Variants in TIAM2 observed in about 807,000 individuals in gnomAD.
The protein encoded by TIAM2 is TIAM Rac1 associated GEF 2.
A neutral mutation model predicts 152.9 loss-of-function variants in TIAM2; 80 were observed. The ratio of observed to expected loss-of-function variants is 0.52; its 90% CI spans 0.44 to 0.63. The LOEUF (loss-of-function observed/expected upper bound fraction) is 0.63, where lower values mean the gene tolerates loss of function less well. Ranked by LOEUF, TIAM2 falls within the 30% of genes least tolerant of loss-of-function variation. The pLI is 0.00. For synonymous variants in TIAM2, 804 were observed against 838.0 expected, an observed-to-expected ratio of 0.96 and a Z score of 0.70; for missense variants, 1,965 against 2,120.1, an observed-to-expected ratio of 0.93 and a Z score of 1.44.
chr6:155,074,864 A>C (rs1270447855), intron 1 of TIAM2, among the ~76,000 whole-genome samples: 2 of 151,240 alleles, frequency 1.3e-5, no homozygotes, highest in African/African-American at 2.4e-5. Flanking sequence ...AAAAAAAAAA[A>C]AAAAAAAAAA....
In TIAM2 at chr6:155,257,433, C is replaced by T. The variant is rs779291855; in HGVS notation, c.*312C>T. On this transcript the variant is annotated 3_prime_UTR_variant, in exon 27 of 27. Coordinates refer to ENST00000682666, the MANE Select transcript of TIAM2 (RefSeq NM_012454.4). ...GTGGAAAAAGTAAGGCTGGGGAAGT[C>T]GTGATTAATAGTTTTCAAAGGGCCA... The T allele has an allele frequency of 3.4e-5, 12 of 350,662 alleles. No individual in the cohort carries two copies. Among genetic ancestry groups the T allele is most frequent in the Admixed American group, 4.6e-5 (1 of 21,642 alleles). The allele number at this position is 350,662 out of a possible 1,614,324, so 21.7% of individuals were successfully genotyped here.
chr6:155,104,048 C>CCCT (rs1778616706), intron 2 of TIAM2, among the ~76,000 whole-genome samples: 1 of 88,956 alleles, frequency 1.1e-5, no homozygotes, highest in Non-Finnish European at 2.4e-5. Context: ...ACACCCCCCC[C>CCCT]CCCACACCCC....
intron 16 of TIAM2, among the ~76,000 whole-genome samples, chr6:155,242,509 G>A (rs919818680): frequency 2.6e-5 from 4 of 152,174 alleles, no homozygotes; most frequent in South Asian, 4.1e-4. Context: ...GAAAGCATCC[G>A]TGTCACAGGC....
intron 4 of TIAM2, among the ~76,000 whole-genome samples, chr6:155,134,122 C>G (rs1564918): frequency 1.5e-4 from 23 of 151,936 alleles, no homozygotes; most frequent in Non-Finnish European, 2.4e-4. Context: ...AGTGAAGTCA[C>G]TTGTATGGAA....
In TIAM2 at chr6:155,129,363, G is replaced by A. The variant is rs769965584; in HGVS notation, c.140G>A (p.Gly47Asp). Reference sequence around the variant, plus strand: ...GAGGAAAAGTCATTGCATGGATGGGGTCACGGAAGCAACGGAGCAGGTTAC... The same window carrying A: ...GAGGAAAAGTCATTGCATGGATGGGATCACGGAAGCAACGGAGCAGGTTAC... ...AKEEKSLHGW[G>D]HGSNGAGYKS... Residue 47 changes from glycine (G) to aspartate (D), a missense_variant, in exon 4 of 27, where the codon GGT (glycine) becomes GAT (aspartate). By Grantham distance (94) the Gly-to-Asp change is moderately conservative. Around this residue, in one of 3 missense-constraint regions of TIAM2, gnomAD observed 1,025 missense variants for 1,119.4 expected, o/e 0.92. Transcript: ENST00000682666. This position sits in a 1 kb window ranked among gnomAD's most constrained non-coding sequence, Gnocchi z 4.8. 3 of 1,614,024 alleles carry A rather than the reference G, an allele frequency of 1.9e-6. No homozygotes were observed. The highest frequency in any genetic ancestry group is 2.5e-6 in the Non-Finnish European group (3 of 1,180,042).
chr6:155,178,043 C>T (rs1288439462), intron 10 of TIAM2, among the ~76,000 whole-genome samples: 2 of 151,932 alleles, frequency 1.3e-5, no homozygotes, highest in Non-Finnish European at 2.9e-5. Flanking sequence ...CGCCTGTAGT[C>T]CCAGCTACTC....
At chr6:155,148,429 C>G in intron 7 of TIAM2, 95 bp downstream of exon 7, 1 of 1,265,792 alleles carries the variant, frequency 7.9e-7, no homozygotes, top group Non-Finnish European at 1.1e-6. Flanking sequence ...TTTCTTGGCT[C>G]ACATCTTGGT....
intron 19 of TIAM2, among the ~76,000 whole-genome samples, chr6:155,247,302 GT>G (rs887053438): frequency 2.0e-4 from 30 of 152,272 alleles, no homozygotes; most frequent in South Asian, 4.2e-4. Context: ...ATGGTGTAGG[GT>G]CTGGATAACA....
At chr6:154,999,358 C>T (rs956949384) in intron 1 of TIAM2, among the ~76,000 whole-genome samples, 2 of 150,962 alleles carry the variant, frequency 1.3e-5, no homozygotes, top group South Asian at 2.1e-4. Flanking sequence ...TTGCACCCAC[C>T]ACCACACCTG....
chr6:155,053,195 T>C (rs6928728), intron 1 of TIAM2, among the ~76,000 whole-genome samples: 72,923 of 152,042 alleles, frequency 0.48, 18,032 homozygotes, highest in African/African-American at 0.59. Context: ...AAGTGTTTAT[T>C]AAGACATTAC....
At chr6:155,158,983 T>G (rs1403324162) in intron 7 of TIAM2, among the ~76,000 whole-genome samples, 1 of 152,182 alleles carries the variant, frequency 6.6e-6, no homozygotes, top group Non-Finnish European at 1.5e-5. Context: ...GGTAATACAT[T>G]ACTATTTTGG....
intron 4 of TIAM2, among the ~76,000 whole-genome samples, chr6:155,136,011 A>G (rs1024925072): frequency 1.3e-4 from 19 of 151,814 alleles, no homozygotes; most frequent in Non-Finnish European, 2.1e-4. Flanking sequence ...CCTGACCAAC[A>G]TGAAGAAACC....
At chr6:155,120,186 C>T (rs181044268) in intron 2 of TIAM2, among the ~76,000 whole-genome samples, 1 of 152,310 alleles carries the variant, frequency 6.6e-6, no homozygotes, top group African/African-American at 2.4e-5. Context: ...ACCAGCCATG[C>T]TTGTCAGCGG....
rs778466179 is a variant in TIAM2 at position 155,211,176 on chromosome 6, A to G, written c.3065-28A>G. 2.7e-5 allele frequency: 44 copies of G among 1,602,042 alleles called. No homozygotes were observed. In the East Asian group the frequency reaches 9.8e-4, roughly 36 times the overall value. On this transcript the variant is annotated intron_variant, in intron 14 of 26. Transcript: ENST00000682666. ...TTATTCTCTGCAAATGGCCAAACTC[A>G]TATATGTTTTTGTCATTTTTTATGC...
rs1784066989 is a variant in TIAM2 at position 155,256,759 on chromosome 6, G to A, written c.4744G>A (p.Gly1582Ser). ...TGACCACCGTCAGACTGTGAAGCAG[G>A]GCAGCCCTACTAAAGACATCGAAAT... ...DDDHRQTVKQ[G>S]SPTKDIEIQF... Residue 1582 changes from glycine (G) to serine (S), a missense_variant, in exon 27 of 27, where the codon GGC becomes AGC. Physicochemically the swap from Gly to Ser is moderately conservative, Grantham distance 56 (BLOSUM62 0). This residue lies in a region of TIAM2 where 935 missense variants were observed against 980.0 expected (regional missense o/e 0.95). Transcript: ENST00000682666. The A allele has an allele frequency of 6.2e-7, 1 of 1,614,206 alleles. No homozygotes were observed. The highest frequency in any genetic ancestry group is 8.5e-7 in the Non-Finnish European group (1 of 1,180,042).
At position 155,176,740 on chromosome 6, in the gene TIAM2, A is replaced by C. The variant is rs1780768373; in HGVS notation, c.2362-76A>C. ...TTTACTCTAAATACTCCGTAAATGA[A>C]CAGGACATTTGGCCGGTGGTTTCCT... is the stretch of plus-strand genomic sequence containing the variant. On this transcript the variant is annotated intron_variant, in intron 9 of 26. Coordinates refer to ENST00000682666, the MANE Select transcript of TIAM2 (RefSeq NM_012454.4). 2.0e-6 allele frequency: 3 copies of C among 1,502,524 alleles called. No individual in the cohort carries two copies. In the Admixed American group the frequency reaches 5.4e-5, roughly 27 times the overall value. The allele number at this position is 1,502,524 out of a possible 1,614,324, so 93.1% of individuals were successfully genotyped here.
At chr6:155,253,365 T>C (rs1275352579) in intron 24 of TIAM2, 2 of 306,628 alleles carry the variant, frequency 6.5e-6, no homozygotes, top group South Asian at 6.4e-5. Context: ...CACAAATTTA[T>C]GTTTTTACAA....
At chr6:155,099,087 T>G in intron 2 of TIAM2, among the ~76,000 whole-genome samples, 1 of 148,410 alleles carries the variant, frequency 6.7e-6, no homozygotes, top group Non-Finnish European at 1.5e-5. Flanking sequence ...CTTGGGAGGC[T>G]GAGGCAGGAG....
rs559862800 is a variant in TIAM2 at position 155,048,373 on chromosome 6, G to A, written c.-208-41916G>A. 2.4e-4 allele frequency among the ~76,000 whole-genome samples: 37 copies of A among 152,268 alleles called. No individual in the cohort carries two copies. In the East Asian group the frequency reaches 5.8e-3, roughly 24 times the overall value. ...CTCCCAAAATGTTGAAATTACAGGC[G>A]TGAGCCACCACGCCTGGCCAAGGGT... On this transcript the variant is annotated intron_variant, in intron 1 of 26. Transcript: ENST00000682666.
Sources: allele counts gnomAD v4.1 joint callset (sites outside exome capture counted in the v4.1 genomes callset), GRCh38; gene constraint gnomAD v4.1.1; regional missense constraint gnomAD v4.1.1; non-coding constraint Gnocchi (gnomAD v3.1); transcripts MANE v1.5; gene names NCBI Gene and HGNC (gene_info 2026-07-23, HGNC 2026-07-21).